The following LAMB4 variants were observed in gnomAD, a reference collection of about 807,000 sequenced individuals.
The protein encoded by LAMB4 is laminin subunit beta-4.
LAMB4 carries 196 observed loss-of-function variants against 199.2 expected under a neutral mutation model. That is an observed-to-expected ratio of 0.98 (90% confidence interval 0.88 to 1.11). The LOEUF (loss-of-function observed/expected upper bound fraction) is 1.11, where lower values mean the gene tolerates loss of function less well. Ranked by LOEUF, LAMB4 falls within the 50% of genes least tolerant of loss-of-function variation. LAMB4 has a pLI of 0.00. For synonymous variants in LAMB4, 744 were observed against 770.6 expected, an observed-to-expected ratio of 0.97 and a Z score of 0.57; for missense variants, 2,080 against 2,171.2, an observed-to-expected ratio of 0.96 and a Z score of 0.83.
At chr7:108,014,676 G>A in the LAMB4 span, among the ~76,000 whole-genome samples, 14 of 151,826 alleles carry the variant, frequency 9.2e-5, no homozygotes, top group Admixed American at 2.0e-4. Flanking sequence ...TGTATAGAAT[G>A]TATGATGGCA....
the LAMB4 span, among the ~76,000 whole-genome samples, chr7:108,013,342 G>A: frequency 2.4e-4 from 37 of 152,220 alleles, no homozygotes; most frequent in African/African-American, 6.0e-4. Context: ...GTCTAGTCAC[G>A]GTGAGCCACA....
intron 9 of LAMB4, 136 bp downstream of exon 9, chr7:108,104,363 G>C (rs571327597): frequency 1.1e-6 from 1 of 898,400 alleles, no homozygotes; most frequent in African/African-American, 1.7e-5. Flanking sequence ...GGAACACTGG[G>C]ATATCACACT....
intron 33 of LAMB4, among the ~76,000 whole-genome samples, chr7:108,024,393 T>C (rs953190046): frequency 1.3e-5 from 2 of 152,220 alleles, no homozygotes; most frequent in African/African-American, 4.8e-5. Context: ...AACTTTTATA[T>C]CTAAAGGCAT....
At chr7:108,126,956 T>C (rs150199544) in intron 1 of LAMB4, among the ~76,000 whole-genome samples, 1 of 152,212 alleles carries the variant, frequency 6.6e-6, no homozygotes, top group East Asian at 1.9e-4. Context: ...CTCAAACTAA[T>C]TAAGGCAGAA....
chr7:108,023,120 C>G (rs2034726186), downstream of LAMB4, among the ~76,000 whole-genome samples: 1 of 152,064 alleles, frequency 6.6e-6, no homozygotes, highest in Admixed American at 6.6e-5. Flanking sequence ...GGCTTTAAAT[C>G]TATTTTTTAT....
At chr7:108,102,588 C>G (rs2037851889) in intron 10 of LAMB4, among the ~76,000 whole-genome samples, 1 of 152,048 alleles carries the variant, frequency 6.6e-6, no homozygotes, top group African/African-American at 2.4e-5. Context: ...TTATATTATT[C>G]CCTATTATTT....
intron 18 of LAMB4, among the ~76,000 whole-genome samples, chr7:108,069,414 T>C (rs572021884): frequency 1.3e-5 from 2 of 152,350 alleles, no homozygotes; most frequent in South Asian, 4.1e-4. Context: ...ATGAATATTT[T>C]GGGATGAAAG....
chr7:108,093,882 C>A (rs771356329), intron 12 of LAMB4, among the ~76,000 whole-genome samples: 1 of 152,090 alleles, frequency 6.6e-6, no homozygotes, highest in African/African-American at 2.4e-5. Flanking sequence ...GGACACAATG[C>A]GACAAAGGAC....
At chr7:108,014,037 A>G in the LAMB4 span, among the ~76,000 whole-genome samples, 1 of 152,244 alleles carries the variant, frequency 6.6e-6, no homozygotes, top group African/African-American at 2.4e-5. Flanking sequence ...ATAGCTCAAA[A>G]TATTAAAAGA....
chr7:108,112,466 T>C (rs970088709), intron 3 of LAMB4, among the ~76,000 whole-genome samples: 6 of 149,966 alleles, frequency 4.0e-5, no homozygotes, highest in African/African-American at 1.5e-4. Context: ...TATTTTTTTG[T>C]ATTTTTATTA....
chr7:108,048,220 A>G (rs1390077969), intron 27 of LAMB4, 109 bp from the exon 28 acceptor site: 11 of 881,966 alleles, frequency 1.2e-5, no homozygotes, highest in Non-Finnish European at 1.9e-5. Context: ...GCTGGAGAGC[A>G]ATAGCGTGAC....
intron 1 of LAMB4, among the ~76,000 whole-genome samples, chr7:108,126,474 C>CT (rs1195603244): frequency 6.8e-6 from 1 of 148,068 alleles, no homozygotes; most frequent in Non-Finnish European, 1.5e-5. Flanking sequence ...CAATATTTGT[C>CT]TTTTTTGTGA....
In LAMB4 at chr7:108,029,196, C is replaced by T. The variant is rs753900276; in HGVS notation, c.4993G>A (p.Glu1665Lys). The stretch of plus-strand genomic sequence containing the variant: ...TATTGTTTTTTCAGCTCAACAAATT[C>T]CTGTAACAAGCAACACTTGCATCAT... The part of the protein sequence containing the change: ...AQHQAGSLEK[E>K]FVELKKQYAI... The change falls in exon 33 of 34, where the codon GAA becomes AAA. Residue 1665 changes from glutamate (E) to lysine (K), a missense_variant and splice_region_variant. By Grantham distance (56) the Glu-to-Lys change is moderately conservative (BLOSUM62 1). Coordinates refer to ENST00000388781, the MANE Select transcript of LAMB4 (RefSeq NM_007356.3). 1 of 1,610,816 alleles carries T rather than the reference C, an allele frequency of 6.2e-7. No homozygotes were observed. Among genetic ancestry groups the T allele is most frequent in the Non-Finnish European group, 8.5e-7 (1 of 1,178,972 alleles).
chr7:108,040,109 A>C (rs932346720), intron 29 of LAMB4, among the ~76,000 whole-genome samples: 2 of 152,220 alleles, frequency 1.3e-5, no homozygotes, highest in Admixed American at 6.5e-5. Flanking sequence ...ATTCCTATAC[A>C]TCAGCAACAG....
chr7:108,081,100 C>CT (rs2036919419), intron 14 of LAMB4, among the ~76,000 whole-genome samples: 2 of 152,090 alleles, frequency 1.3e-5, no homozygotes, highest in South Asian at 4.1e-4. Flanking sequence ...CCAGCCTGGG[C>CT]GACAGAGCGA....
intron 21 of LAMB4, 66 bp downstream of exon 21, chr7:108,065,696 T>C: frequency 7.4e-7 from 1 of 1,343,204 alleles, no homozygotes; most frequent in Non-Finnish European, 1.0e-6. Context: ...CATGAATATA[T>C]GATCATTTTA....
chr7:108,022,565 GA>G (rs200810901), downstream of LAMB4, among the ~76,000 whole-genome samples: 136 of 152,278 alleles, frequency 8.9e-4, 1 homozygote, highest in East Asian at 0.023. Context: ...TGAGGAATGA[GA>G]TTTTTTACAT....
At chr7:108,081,509 AT>A (rs1348323046) in intron 14 of LAMB4, among the ~76,000 whole-genome samples, 2 of 152,154 alleles carry the variant, frequency 1.3e-5, no homozygotes, top group African/African-American at 4.8e-5. Context: ...CCTGAAGAAC[AT>A]TTCCTTAATA....
At position 108,104,608 on chromosome 7, in the gene LAMB4, C is replaced by T. The variant is rs747750085; in HGVS notation, c.882G>A (p.Gln294=). 1.2e-6 allele frequency: 2 copies of T among 1,614,150 alleles called. No individual in the cohort carries two copies. The highest frequency in any genetic ancestry group is 3.3e-5 in the Admixed American group (2 of 60,022). ...CATCTGTATTGTGCTGACACACACA[C>T]TGACCGTGAACCTGCATTGTGCAAT... ...VFSPPGMVHG[Q]CVCQHNTDGP... is the part of the protein sequence containing the mutation. The change falls in exon 9 of 34, where the codon CAG becomes CAA. Residue 294 remains glutamine, a synonymous_variant. Coordinates refer to ENST00000388781, the MANE Select transcript of LAMB4 (RefSeq NM_007356.3).
Sources: allele counts gnomAD v4.1 joint callset (sites outside exome capture counted in the v4.1 genomes callset), GRCh38; gene constraint gnomAD v4.1.1; transcripts MANE v1.5; gene names NCBI Gene and HGNC (gene_info 2026-07-23, HGNC 2026-07-21).